The following GPHN variants were observed in gnomAD, a reference collection of about 807,000 sequenced individuals.
GPHN encodes gephyrin.
Under a neutral mutation model 95.5 loss-of-function variants are expected in GPHN, and 17 were observed. That is an observed-to-expected ratio of 0.18 (90% CI 0.12 to 0.27). The LOEUF (loss-of-function observed/expected upper bound fraction) is 0.27, where lower values mean the gene tolerates loss of function less well. GPHN is among the 10% of genes least tolerant of loss of function. The pLI, the probability that GPHN is intolerant of heterozygous loss-of-function variation, is 1.00. For missense variants in GPHN, 660 were observed against 978.1 expected (o/e 0.67, Z 4.34); for synonymous variants, 320 against 322.5 (o/e 0.99, Z 0.08).
intron 1 of GPHN, among the ~76,000 whole-genome samples, chr14:66,514,301 C>T (rs1247750914): frequency 6.6e-6 from 1 of 152,048 alleles, no homozygotes; most frequent in African/African-American, 2.4e-5. Flanking sequence ...CTCCAGATCT[C>T]GTCATTCTTC....
chr14:66,685,286 A>T (rs928851076), intron 2 of GPHN, among the ~76,000 whole-genome samples: 1 of 152,236 alleles, frequency 6.6e-6, no homozygotes, highest in African/African-American at 2.4e-5. Context: ...TGGCTGGGTC[A>T]CATGGTATTT....
At chr14:66,994,233 G>T (rs2071620258) in intron 9 of GPHN, among the ~76,000 whole-genome samples, 1 of 152,016 alleles carries the variant, frequency 6.6e-6, no homozygotes, top group African/African-American at 2.4e-5. Context: ...GGGCATGATG[G>T]TGGGTGCCAG....
intron 1 of GPHN, among the ~76,000 whole-genome samples, chr14:66,528,085 T>G (rs1232582776): frequency 6.6e-6 from 1 of 152,176 alleles, no homozygotes; most frequent in African/African-American, 2.4e-5. Flanking sequence ...CTCCCACTAT[T>G]ATTGTGTGGG....
In GPHN at chr14:66,762,440, A is replaced by G. The variant is rs1039042100; in HGVS notation, c.144-14024A>G. ...GAATATATTATGGTCGATATCTTTA[A>G]TGATAATTACCTTTCCATGGTGTAA... On this transcript the variant is annotated intron_variant, in intron 2 of 22. Transcript: ENST00000478722. Among the ~76,000 whole-genome samples the G allele has an allele frequency of 8.5e-5, 13 of 152,272 alleles. No individual in the cohort carries two copies. In the East Asian group the frequency reaches 2.3e-3, roughly 27 times the overall value.
chr14:67,614,521 G>T, the GPHN span, among the ~76,000 whole-genome samples: 1 of 151,806 alleles, frequency 6.6e-6, no homozygotes, highest in Admixed American at 6.6e-5. Context: ...TCTCAGTTTT[G>T]GGAGGCTGAG....
intron 8 of GPHN, among the ~76,000 whole-genome samples, chr14:66,931,364 C>T (rs112984465): frequency 5.2e-4 from 79 of 152,128 alleles, no homozygotes; most frequent in African/African-American, 1.6e-3. Context: ...GTTCTGTAGC[C>T]TTCGTGTACT....
the GPHN span, among the ~76,000 whole-genome samples, chr14:67,711,457 A>G: frequency 6.6e-6 from 1 of 152,218 alleles, no homozygotes; most frequent in East Asian, 1.9e-4. Context: ...AGTTACATGA[A>G]CTTGAAAAAG....
chr14:67,604,402 C>T, the GPHN span, among the ~76,000 whole-genome samples: 2 of 152,178 alleles, frequency 1.3e-5, no homozygotes, highest in Non-Finnish European at 2.9e-5. Context: ...GTTTAGGAAG[C>T]TTTGCCTGTC....
At chr14:67,245,339 C>G in the GPHN span, among the ~76,000 whole-genome samples, 1 of 152,056 alleles carries the variant, frequency 6.6e-6, no homozygotes, top group Admixed American at 6.5e-5. Context: ...TTAGATTTAG[C>G]CATTTTAGTA....
the GPHN span, among the ~76,000 whole-genome samples, chr14:67,439,827 CTCTTTTCTTTTT>C: frequency 2.0e-5 from 3 of 151,884 alleles, no homozygotes; most frequent in East Asian, 3.9e-4. Context: ...CTTCTCTTCT[CTCTTTTCTTTTT>C]TCTTTTCTTT....
chr14:67,409,024 G>A, the GPHN span, among the ~76,000 whole-genome samples: 1 of 151,038 alleles, frequency 6.6e-6, no homozygotes, highest in African/African-American at 2.4e-5. Flanking sequence ...AGACCAGCCT[G>A]GGCAACATGG....
At chr14:67,261,951 G>C in the GPHN span, among the ~76,000 whole-genome samples, 1 of 152,228 alleles carries the variant, frequency 6.6e-6, no homozygotes, top group East Asian at 1.9e-4. Context: ...GCAAAAAAAG[G>C]ATGGGATTTT....
chr14:66,567,328 T>C (rs1010398317), intron 1 of GPHN, among the ~76,000 whole-genome samples: 1 of 152,196 alleles, frequency 6.6e-6, no homozygotes, highest in African/African-American at 2.4e-5. Flanking sequence ...GCTCTAATGC[T>C]AGGCCCTACA....
chr14:66,858,406 C>G (rs1213103711), intron 4 of GPHN, among the ~76,000 whole-genome samples: 1 of 151,898 alleles, frequency 6.6e-6, no homozygotes, highest in East Asian at 1.9e-4. Flanking sequence ...CATTTCTAAA[C>G]ACACCCTGGG....
chr14:67,319,766 C>T, the GPHN span, among the ~76,000 whole-genome samples: 140 of 152,320 alleles, frequency 9.2e-4, no homozygotes, highest in African/African-American at 3.1e-3. Flanking sequence ...TTCCAGCTTT[C>T]TCTGATAACA....
At chr14:67,013,811 T>C (rs2073147817) in intron 9 of GPHN, among the ~76,000 whole-genome samples, 1 of 151,888 alleles carries the variant, frequency 6.6e-6, no homozygotes, top group African/African-American at 2.4e-5. Context: ...TGATAAGACA[T>C]GACATTTAAG....
chr14:67,496,920 C>G, the GPHN span, among the ~76,000 whole-genome samples: 1 of 151,990 alleles, frequency 6.6e-6, no homozygotes, highest in Non-Finnish European at 1.5e-5. Context: ...GCCTCAGCGT[C>G]CTGAGTAGCT....
At chr14:66,542,743 G>A (rs1295401217) in intron 1 of GPHN, among the ~76,000 whole-genome samples, 1 of 152,074 alleles carries the variant, frequency 6.6e-6, no homozygotes, top group Non-Finnish European at 1.5e-5. Context: ...TCCAATTGCA[G>A]CAAACTCCTT....
the GPHN span, among the ~76,000 whole-genome samples, chr14:67,667,680 C>CA: frequency 6.6e-6 from 1 of 152,176 alleles, no homozygotes; most frequent in Non-Finnish European, 1.5e-5. Context: ...CGCGGTGGCT[C>CA]ACGCCTGTAA....
Sources: gnomAD v4.1 joint callset for allele counts (sites outside exome capture counted in the v4.1 genomes callset) on GRCh38, gnomAD v4.1.1 for gene constraint, MANE v1.5 for transcripts, NCBI Gene and HGNC (gene_info 2026-07-23, HGNC 2026-07-21) for gene names.